The following C9 variants were observed in gnomAD, a reference collection of about 807,000 sequenced individuals.
C9 encodes the protein complement component C9.
A neutral mutation model predicts 65.4 loss-of-function variants in C9; 63 were observed. The ratio of observed to expected loss-of-function variants is 0.96; its 90% CI spans 0.79 to 1.19. The LOEUF (loss-of-function observed/expected upper bound fraction) is 1.19, where lower values mean the gene tolerates loss of function less well. Among genes scored for constraint, C9 ranks in the 50% most tolerant of loss-of-function variants. The pLI, the probability that C9 is intolerant of heterozygous loss-of-function variation, is 0.00. For missense variants in C9, 744 were observed against 670.1 expected (o/e 1.11, Z -1.22); for synonymous variants, 229 against 227.9 (o/e 1.00, Z -0.04).
rs375334659 is a variant in C9, at chr5:39,363,526, A to T, written c.77+862T>A. On this transcript the variant is annotated intron_variant, in intron 1 of 10. Coordinates refer to ENST00000263408, the MANE Select transcript of C9 (RefSeq NM_001737.5). ...GTTATGGTTATGTCTGAGCAGAGGA[A>T]CAGGGCTTGGGCAGACATTTCCCCC... 2.9e-4 allele frequency among the ~76,000 whole-genome samples: 44 copies of T among 152,334 alleles called. No homozygotes were observed. The South Asian group carries it at 8.3e-3, about 29-fold the overall frequency.
In C9 at chr5:39,349,590, G is replaced by T. The variant is rs77584530; in HGVS notation, c.78-7394C>A. 4.3e-3 allele frequency among the ~76,000 whole-genome samples: 659 copies of T among 152,234 alleles called. 4 individuals are homozygous for T. The highest frequency in any genetic ancestry group is 0.015 in the African/African-American group (615 of 41,538). ...TTTAGCCAAGTTTCTTGAGAAAGTA[G>T]TGAGCACCCTCGTCTCTTGTTTCCT... is the stretch of plus-strand genomic sequence containing the variant. On this transcript the variant is annotated intron_variant, in intron 1 of 10. Transcript: ENST00000263408.
chr5:39,324,312 A>G (rs2111914130), intron 5 of C9, among the ~76,000 whole-genome samples: 1 of 152,288 alleles, frequency 6.6e-6, no homozygotes, highest in South Asian at 2.1e-4. Flanking sequence ...AAAAAGAACA[A>G]TCCTAAATTT....
At position 39,340,339 on chromosome 5, in the gene C9, A is replaced by G. The variant is rs550428989; in HGVS notation, c.476+807T>C. Among the ~76,000 whole-genome samples the G allele has an allele frequency of 5.3e-5, 8 of 150,962 alleles. No individual in the cohort carries two copies. The South Asian group carries it at 1.7e-3, about 31-fold the overall frequency. On this transcript the variant is annotated intron_variant, in intron 4 of 10. Transcript: ENST00000263408. ...AAGAATGACCATGTCTTTGTTGGGGACAATTTTCCAACAAATCCACCTTTA... is the reference window on the plus strand; with the variant it reads ...AAGAATGACCATGTCTTTGTTGGGGGCAATTTTCCAACAAATCCACCTTTA...
At chr5:39,331,540 A>G (rs991683898) in intron 5 of C9, 136 bp downstream of exon 5, 8 of 778,168 alleles carry the variant, frequency 1.0e-5, no homozygotes, top group African/African-American at 1.7e-5. Context: ...TCCAAACTAC[A>G]TCGCCTCTTC....
chr5:39,314,414 A>G (rs1034765997), intron 6 of C9, among the ~76,000 whole-genome samples: 1 of 152,084 alleles, frequency 6.6e-6, no homozygotes, highest in Non-Finnish European at 1.5e-5. Flanking sequence ...ACACCATTGT[A>G]CTGCAGCCTG....
chr5:39,316,371 G>A (rs944603467), intron 5 of C9, among the ~76,000 whole-genome samples: 1 of 152,098 alleles, frequency 6.6e-6, no homozygotes, highest in African/African-American at 2.4e-5. Context: ...TTAAGTTCTG[G>A]GGTACATGTG....
At chr5:39,341,943 GTTAGCAACATACAT>G in intron 2 of C9, 134 bp downstream of exon 2, 2 of 703,726 alleles carry the variant, frequency 2.8e-6, no homozygotes, top group Non-Finnish European at 5.2e-6. Flanking sequence ...TCCTGGAAAA[GTTAGCAACATACAT>G]TTAAATGTTT....
chr5:39,306,490 G>T (rs1051124215), intron 9 of C9, 127 bp downstream of exon 9: 5 of 783,112 alleles, frequency 6.4e-6, no homozygotes, highest in Non-Finnish European at 1.1e-5. Context: ...TCCTTTTGGG[G>T]AAGAAATGGG....
At chr5:39,305,257 A>G (rs1315913349) in intron 9 of C9, among the ~76,000 whole-genome samples, 1 of 152,166 alleles carries the variant, frequency 6.6e-6, no homozygotes, top group East Asian at 1.9e-4. Flanking sequence ...ACTTTGGGAC[A>G]AAATATTTTA....
chr5:39,288,194 A>T (rs961564614), intron 10 of C9, among the ~76,000 whole-genome samples: 1 of 151,944 alleles, frequency 6.6e-6, no homozygotes, highest in African/African-American at 2.4e-5. Context: ...AACTGGAAAG[A>T]TACATACCAA....
intron 4 of C9, among the ~76,000 whole-genome samples, chr5:39,338,333 G>T (rs1348248435): frequency 6.6e-6 from 1 of 152,134 alleles, no homozygotes; most frequent in Non-Finnish European, 1.5e-5. Context: ...GGAGGAGAGG[G>T]TAAGGTGGTA....
chr5:39,285,944 T>C (rs1383608721), intron 10 of C9, among the ~76,000 whole-genome samples: 2 of 152,090 alleles, frequency 1.3e-5, no homozygotes, highest in African/African-American at 4.8e-5. Context: ...ACTAGAACAT[T>C]CTATGTCAAC....
At chr5:39,363,308 A>G (rs1164979161) in intron 1 of C9, among the ~76,000 whole-genome samples, 1 of 152,214 alleles carries the variant, frequency 6.6e-6, no homozygotes, top group Admixed American at 6.5e-5. Context: ...TCATCTGTGT[A>G]GCACCTCTGG....
chr5:39,363,395 A>G (rs1315276839), intron 1 of C9, among the ~76,000 whole-genome samples: 1 of 152,184 alleles, frequency 6.6e-6, no homozygotes, highest in African/African-American at 2.4e-5. Context: ...GCGGCCTCCA[A>G]CTGCAGCCAA....
rs34000044 is a variant in C9 at position 39,342,112 on chromosome 5, G to A, written c.162C>T (p.Cys54=). 81 of 1,591,094 alleles carry A rather than the reference G, an allele frequency of 5.1e-5. No individual in the cohort carries two copies. In the African/African-American group the frequency reaches 8.2e-4, roughly 16 times the overall value. The change falls in exon 2 of 11, where the codon TGC becomes TGT. Residue 54 remains cysteine, a synonymous_variant. Coordinates refer to ENST00000263408, the MANE Select transcript of C9 (RefSeq NM_001737.5). The part of the protein sequence containing the change: ...RMSPWSEWSQ[C]DPCLRQMFRS... ...TTACCATTTGTCTGAGACAAGGATC[G>A]CATTGTGACCATTCACTCCAGGGGC...
intron 4 of C9, among the ~76,000 whole-genome samples, chr5:39,338,159 A>C (rs569175229): frequency 5.3e-5 from 8 of 152,174 alleles, no homozygotes; most frequent in African/African-American, 1.9e-4. Context: ...GATTTATACC[A>C]CTCTCCTATA....
At chr5:39,290,364 G>A (rs1258946509) in intron 9 of C9, among the ~76,000 whole-genome samples, 1 of 151,818 alleles carries the variant, frequency 6.6e-6, no homozygotes, top group Non-Finnish European at 1.5e-5. Context: ...TGAATAAACT[G>A]TTAGAAATAG....
chr5:39,342,295 C>T, intron 1 of C9, 99 bp from the exon 2 acceptor site: 1 of 692,782 alleles, frequency 1.4e-6, no homozygotes, highest in Admixed American at 2.1e-5. Context: ...TATCCCCTCT[C>T]AAATTATACC....
At chr5:39,329,206 C>T (rs1278382332) in intron 5 of C9, among the ~76,000 whole-genome samples, 1 of 152,116 alleles carries the variant, frequency 6.6e-6, no homozygotes, top group Non-Finnish European at 1.5e-5. Flanking sequence ...TGTTCTTGGT[C>T]ATTACTGCTA....
Sources: allele counts gnomAD v4.1 joint callset (sites outside exome capture counted in the v4.1 genomes callset), GRCh38; gene constraint gnomAD v4.1.1; transcripts MANE v1.5; gene names NCBI Gene and HGNC (gene_info 2026-07-23, HGNC 2026-07-21).